PARD3B: variants seen among roughly 807,000 people sequenced by gnomAD.
PARD3B encodes the protein partitioning defective 3 homolog B.
PARD3B carries 103 observed loss-of-function variants against 130.2 expected under a neutral mutation model. The ratio of observed to expected loss-of-function variants is 0.79; its 90% CI spans 0.67 to 0.93. The LOEUF (loss-of-function observed/expected upper bound fraction) is 0.93. PARD3B is among the 40% of genes least tolerant of loss of function. The probability of loss-of-function intolerance (pLI) is 0.00; values close to 1 mark genes in which losing one functional copy is unlikely to be tolerated. For missense variants in PARD3B, 1,609 were observed against 1,499.2 expected (o/e 1.07, Z -1.21); for synonymous variants, 583 against 553.2 (o/e 1.05, Z -0.76).
At chr2:205,515,110 A>T (rs182181107) in intron 21 of PARD3B, among the ~76,000 whole-genome samples, 2 of 152,088 alleles carry the variant, frequency 1.3e-5, no homozygotes, top group African/African-American at 4.8e-5. Context: ...CTGTTCCTGC[A>T]TTAGTTTGTT....
intron 4 of PARD3B, among the ~76,000 whole-genome samples, chr2:205,081,172 T>C (rs1196122616): frequency 6.6e-6 from 1 of 152,108 alleles, no homozygotes; most frequent in African/African-American, 2.4e-5. Context: ...TTTTATATTC[T>C]GTTAATATAT....
intron 13 of PARD3B, among the ~76,000 whole-genome samples, chr2:205,185,221 A>T (rs2036025620): frequency 6.6e-6 from 1 of 151,484 alleles, no homozygotes; most frequent in African/African-American, 2.4e-5. Flanking sequence ...AGATGTCTCC[A>T]TTATGGCACA....
At chr2:205,598,678 G>A (rs1231352924) in intron 22 of PARD3B, among the ~76,000 whole-genome samples, 1 of 152,156 alleles carries the variant, frequency 6.6e-6, no homozygotes, top group Non-Finnish European at 1.5e-5. Flanking sequence ...CTTCTCATCT[G>A]CACAGGGAAC....
In PARD3B at chr2:204,785,833, G is replaced by A. The variant is rs1381652602; in HGVS notation, c.222+99551G>A. ...GGGTACCATTCAAATATCAAAATGGGTTGGGTGTGGTGGCTCACGCCTATA... is the reference window on the plus strand; with the variant it reads ...GGGTACCATTCAAATATCAAAATGGATTGGGTGTGGTGGCTCACGCCTATA... On this transcript the variant is annotated intron_variant, in intron 2 of 22. Transcript: ENST00000406610. Among the ~76,000 whole-genome samples the A allele has an allele frequency of 2.6e-5, 4 of 152,186 alleles. No homozygotes were observed. In the South Asian group the frequency reaches 6.2e-4, roughly 24 times the overall value.
chr2:204,651,630 G>T (rs1053045031), intron 1 of PARD3B, among the ~76,000 whole-genome samples: 31 of 152,152 alleles, frequency 2.0e-4, no homozygotes, highest in Non-Finnish European at 4.1e-4. Context: ...GAGGATGGTG[G>T]CCCTTTTCTC....
At chr2:204,758,931 C>T (rs924377074) in intron 2 of PARD3B, among the ~76,000 whole-genome samples, 9 of 152,132 alleles carry the variant, frequency 5.9e-5, no homozygotes, top group African/African-American at 1.7e-4. Flanking sequence ...ATTTGAGTTC[C>T]TCAGTTGTCC....
Position 205,374,195 on chromosome 2 carries a change from A to T in PARD3B, c.2631-26818A>T, listed in dbSNP as rs1413908042. ...GAGGAAAAATGAAAAAAAAAAAAAG[A>T]TGCTCTCTTCTTCATAATCCCATAC... On this transcript the variant is annotated intron_variant, in intron 18 of 22. Coordinates refer to ENST00000406610, the MANE Select transcript of PARD3B (RefSeq NM_001302769.2). 6.8e-5 allele frequency among the ~76,000 whole-genome samples: 10 copies of T among 147,818 alleles called. No homozygotes were observed. In the Admixed American group the frequency reaches 6.8e-4, roughly 10 times the overall value.
chr2:204,712,219 G>A (rs1026154252), intron 2 of PARD3B, among the ~76,000 whole-genome samples: 15 of 152,170 alleles, frequency 9.9e-5, no homozygotes, highest in Admixed American at 1.3e-4. Flanking sequence ...TGTACTCTGC[G>A]AAGAAAGTTT....
rs2036274382 is a variant in PARD3B at position 205,189,437 on chromosome 2, A to G, written c.2024+3574A>G. The stretch of plus-strand genomic sequence containing the variant: ...TAGGCAGCATAATTTGACGTTGAGT[A>G]TCGTTTCTATTTGGTAGATTCTCTG... On this transcript the variant is annotated intron_variant, in intron 14 of 22. Coordinates refer to ENST00000406610, the MANE Select transcript of PARD3B (RefSeq NM_001302769.2). 2.0e-5 allele frequency among the ~76,000 whole-genome samples: 3 copies of G among 152,192 alleles called. No homozygotes were observed. In the South Asian group the frequency reaches 6.2e-4, roughly 32 times the overall value.
At position 205,515,370 on chromosome 2, in the gene PARD3B, T is replaced by C. The variant is rs111882369; in HGVS notation, c.3180+15339T>C. The stretch of plus-strand genomic sequence containing the variant: ...TTTGGGTATATACCCAGTAATGAGA[T>C]TGTTGTTTGAAATGGTGGTTCTGCT... On this transcript the variant is annotated intron_variant, in intron 21 of 22. Transcript: ENST00000406610. Among the ~76,000 whole-genome samples, 1,288 of 152,318 alleles carry C rather than the reference T, an allele frequency of 8.5e-3. 16 individuals are homozygous for C. The highest frequency in any genetic ancestry group is 0.029 in the African/African-American group (1,212 of 41,574).
intron 15 of PARD3B, among the ~76,000 whole-genome samples, chr2:205,214,393 C>T (rs946415224): frequency 6.6e-6 from 1 of 151,544 alleles, no homozygotes; most frequent in African/African-American, 2.4e-5. Flanking sequence ...TTGCATGTCA[C>T]TTGTGGCAAA....
At chr2:204,706,896 T>G (rs1482807473) in intron 2 of PARD3B, among the ~76,000 whole-genome samples, 2 of 152,202 alleles carry the variant, frequency 1.3e-5, no homozygotes, top group African/African-American at 4.8e-5. Context: ...ATAAATAGTT[T>G]CCAGTCAATA....
chr2:205,528,226 T>A (rs776543838), intron 21 of PARD3B, among the ~76,000 whole-genome samples: 1 of 152,088 alleles, frequency 6.6e-6, no homozygotes, highest in Non-Finnish European at 1.5e-5. Flanking sequence ...GCACTTCCAG[T>A]CTACACCAGG....
intron 16 of PARD3B, among the ~76,000 whole-genome samples, chr2:205,252,853 C>CCCA (rs2039916027): frequency 2.0e-4 from 16 of 80,446 alleles, no homozygotes; most frequent in East Asian, 8.6e-4. Context: ...CCCCCCCCAC[C>CCCA]AAAAAAAAAA....
chr2:204,996,320 G>C (rs1226317681), intron 3 of PARD3B, among the ~76,000 whole-genome samples: 1 of 151,590 alleles, frequency 6.6e-6, no homozygotes, highest in African/African-American at 2.4e-5. Flanking sequence ...TCAGCTGCAG[G>C]TCTGTTGGAA....
chr2:205,234,658 A>C (rs925800775), intron 15 of PARD3B, among the ~76,000 whole-genome samples: 8 of 152,230 alleles, frequency 5.3e-5, no homozygotes, highest in Non-Finnish European at 7.3e-5. Flanking sequence ...ATAAGGCTAT[A>C]GAAGATTTGA....
intron 2 of PARD3B, among the ~76,000 whole-genome samples, chr2:204,912,314 CAT>C (rs1413686877): frequency 6.6e-6 from 1 of 152,136 alleles, no homozygotes; most frequent in African/African-American, 2.4e-5. Context: ...CTTTTAATCA[CAT>C]GTTTTTATAT....
intron 2 of PARD3B, among the ~76,000 whole-genome samples, chr2:204,746,233 T>C (rs1354182666): frequency 1.3e-5 from 2 of 150,290 alleles, no homozygotes; most frequent in Non-Finnish European, 3.0e-5. Flanking sequence ...CATGCAGTGT[T>C]TGTTTTTTTG....
intron 19 of PARD3B, among the ~76,000 whole-genome samples, chr2:205,424,480 A>G (rs550434861): frequency 6.6e-6 from 1 of 152,262 alleles, no homozygotes; most frequent in East Asian, 1.9e-4. Context: ...AAGGAAATAG[A>G]GCAGCACATG....
Sources: allele counts gnomAD v4.1 joint callset (sites outside exome capture counted in the v4.1 genomes callset), GRCh38; gene constraint gnomAD v4.1.1; transcripts MANE v1.5; gene names NCBI Gene and HGNC (gene_info 2026-07-23, HGNC 2026-07-21).